The following PNKD variants were observed in gnomAD, a reference collection of about 807,000 sequenced individuals.
The protein encoded by PNKD is probable thioesterase PNKD.
Under a neutral mutation model 45.3 loss-of-function variants are expected in PNKD, and 36 were observed. The observed-to-expected ratio is 0.80, with a 90% CI of 0.61 to 1.05. The LOEUF is 1.05. Among genes scored for constraint, PNKD ranks in the 50% least tolerant of loss-of-function variants. The pLI, the probability that PNKD is intolerant of heterozygous loss-of-function variation, is 0.00. For synonymous variants in PNKD, 197 were observed against 210.1 expected, an observed-to-expected ratio of 0.94 and a Z score of 0.54; for missense variants, 511 against 506.6, an observed-to-expected ratio of 1.01 and a Z score of -0.08.
At chr2:218,276,093 G>A in intron 2 of PNKD, 1 of 1,612,030 alleles carries the variant, frequency 6.2e-7, no homozygotes, top group Non-Finnish European at 8.5e-7. Flanking sequence ...GAGAAGAAGG[G>A]GACAGAGAAT....
chr2:218,271,098 T>G, intron 1 of PNKD: 1 of 545,232 alleles, frequency 1.8e-6, no homozygotes, highest in South Asian at 2.1e-5. Context: ...TGAGTCCCAC[T>G]GCAGTCCTTC....
intron 8 of PNKD, 79 bp from the exon 9 acceptor site, chr2:218,344,376 A>C: frequency 9.5e-7 from 1 of 1,057,242 alleles, no homozygotes; most frequent in Admixed American, 2.0e-5. Context: ...ATCAGCCTGG[A>C]CCTGGGGCAG....
chr2:218,323,015 G>T lies in PNKD; in HGVS notation c.237-16768G>T, dbSNP rs190918685. ...TGGACCCCGATCAGCGCAGGCTCGC[G>T]GCCCGCTGTGGCCCCGCCTCCTGGC... On this transcript the variant is annotated intron_variant, in intron 2 of 9. Transcript: ENST00000273077. Among the ~76,000 whole-genome samples the T allele has an allele frequency of 6.4e-4, 92 of 143,304 alleles. 2 individuals are homozygous for T. The highest frequency in any genetic ancestry group is 2.6e-3 in the East Asian group (12 of 4,650). The allele number at this position is 143,304 out of a possible 152,430, so 94.0% of individuals were successfully genotyped here. A position where few individuals can be genotyped will look rare whatever the true frequency, so the allele number is the denominator to read the frequency against.
chr2:218,309,116 C>T (rs1202393802), intron 2 of PNKD, among the ~76,000 whole-genome samples: 2 of 151,954 alleles, frequency 1.3e-5, no homozygotes, highest in Admixed American at 6.6e-5. Context: ...CCTCCCACCA[C>T]GGCCTCCCAA....
chr2:218,336,287 C>G (rs1694490490), intron 2 of PNKD, among the ~76,000 whole-genome samples: 1 of 150,052 alleles, frequency 6.7e-6, no homozygotes, highest in African/African-American at 2.4e-5. Flanking sequence ...CTTCTACAAT[C>G]TCTATTTTGA....
chr2:218,291,068 G>A (rs937591607), intron 2 of PNKD, among the ~76,000 whole-genome samples: 22 of 152,174 alleles, frequency 1.4e-4, no homozygotes, highest in Non-Finnish European at 2.5e-4. Context: ...GGTAGACAGC[G>A]TCTGGCTGAG....
At chr2:218,338,964 T>G (rs1055457510) in intron 2 of PNKD, among the ~76,000 whole-genome samples, 4 of 151,360 alleles carry the variant, frequency 2.6e-5, no homozygotes, top group Non-Finnish European at 5.9e-5. Flanking sequence ...AGCTATTCTT[T>G]TTTTTGTGTG....
chr2:218,278,487 C>A (rs750618748), intron 2 of PNKD: 3 of 1,612,116 alleles, frequency 1.9e-6, no homozygotes, highest in Non-Finnish European at 2.5e-6. Flanking sequence ...TGTCACCCCT[C>A]TCACTGTGTT....
intron 2 of PNKD, among the ~76,000 whole-genome samples, chr2:218,336,213 C>CA (rs60697754): frequency 5.4e-5 from 5 of 92,826 alleles, no homozygotes; most frequent in East Asian, 3.0e-4. Context: ...GACTCCATCT[C>CA]AAAAAAAAAA....
intron 2 of PNKD, among the ~76,000 whole-genome samples, chr2:218,305,540 T>TGG (rs949865117): frequency 3.3e-5 from 5 of 150,824 alleles, no homozygotes; most frequent in African/African-American, 1.2e-4. Context: ...TTTGTAGAGG[T>TGG]GGGGTCTCAC....
rs548657491 is a variant in PNKD, at chr2:218,323,513, G to C, written c.237-16270G>C. On this transcript the variant is annotated intron_variant, in intron 2 of 9. Coordinates refer to ENST00000273077, the MANE Select transcript of PNKD (RefSeq NM_015488.5). ...GGACTGGGAGGCGGGGGCTGGAGCT[G>C]GGGGTGGGCGTGGCGGTTAGGAAGG... is the stretch of plus-strand genomic sequence containing the variant. The C allele has an allele frequency of 7.6e-5, 98 of 1,285,762 alleles. No homozygotes were observed. The African/African-American group carries it at 1.5e-3, about 19-fold the overall frequency. 79.6% of individuals were successfully genotyped at this position (1,285,762 alleles called of 1,614,324 possible).
At chr2:218,314,223 T>C (rs1198980793) in intron 2 of PNKD, among the ~76,000 whole-genome samples, 3 of 4,090 alleles carry the variant, frequency 7.3e-4, no homozygotes, top group Non-Finnish European at 2.4e-3. Flanking sequence ...GCGCCCTGGC[T>C]TTTTTTTTTT....
intron 2 of PNKD, among the ~76,000 whole-genome samples, chr2:218,325,696 C>T (rs1356473608): frequency 1.3e-5 from 2 of 152,158 alleles, no homozygotes; most frequent in Admixed American, 1.3e-4. Context: ...TTCCTGAGAT[C>T]AGAATGCCAG....
intron 2 of PNKD, among the ~76,000 whole-genome samples, chr2:218,294,057 C>G (rs1574671428): frequency 6.6e-6 from 1 of 152,012 alleles, no homozygotes; most frequent in East Asian, 1.9e-4. Flanking sequence ...TTATGGTGGG[C>G]TAGCTCCCCA....
At chr2:218,278,707 C>T in intron 2 of PNKD, 1 of 916,934 alleles carries the variant, frequency 1.1e-6, no homozygotes, top group Non-Finnish European at 1.7e-6. Context: ...AACGAGATTA[C>T]CCCCAGCCAG....
At chr2:218,282,905 G>A (rs776806035) in intron 2 of PNKD, among the ~76,000 whole-genome samples, 5 of 152,186 alleles carry the variant, frequency 3.3e-5, no homozygotes, top group South Asian at 2.1e-4. Flanking sequence ...CAGCGGTGGC[G>A]TGTCAGAAAG....
At chr2:218,332,776 T>C (rs1466725059) in intron 2 of PNKD, among the ~76,000 whole-genome samples, 1 of 151,914 alleles carries the variant, frequency 6.6e-6, no homozygotes. Context: ...AGCAGCCCAG[T>C]GAGCTCTCAG....
chr2:218,271,879 T>C (rs755269237), intron 2 of PNKD, among the ~76,000 whole-genome samples: 9 of 152,202 alleles, frequency 5.9e-5, no homozygotes, highest in Non-Finnish European at 1.3e-4. Context: ...ACTAGTTGTA[T>C]AGTAGTACTC....
chr2:218,325,498 G>A (rs1163557334), intron 2 of PNKD, among the ~76,000 whole-genome samples: 2 of 152,050 alleles, frequency 1.3e-5, no homozygotes, highest in East Asian at 1.9e-4. Context: ...GAGCCATTGC[G>A]CCCAGCCCAT....
Sources: allele counts gnomAD v4.1 joint callset (sites outside exome capture counted in the v4.1 genomes callset), GRCh38; gene constraint gnomAD v4.1.1; transcripts MANE v1.5; gene names NCBI Gene and HGNC (gene_info 2026-07-23, HGNC 2026-07-21).